Variants in RBFOX1 observed in about 807,000 individuals in gnomAD.
The protein encoded by RBFOX1 is RNA binding fox-1 homolog 1.
Under a neutral mutation model 57.7 loss-of-function variants are expected in RBFOX1, and 8 were observed. The ratio of observed to expected loss-of-function variants is 0.14; its 90% CI spans 0.08 to 0.25. RBFOX1 has a LOEUF of 0.25. RBFOX1 is among the 10% of genes least tolerant of loss of function. The pLI is 1.00. For synonymous variants in RBFOX1, 326 were observed against 222.4 expected, an observed-to-expected ratio of 1.47 and a Z score of -4.15; for missense variants, 611 against 548.5, an observed-to-expected ratio of 1.11 and a Z score of -1.14.
At chr16:6,245,850 A>G (rs555059774) in intron 1 of RBFOX1, among the ~76,000 whole-genome samples, 2 of 152,170 alleles carry the variant, frequency 1.3e-5, no homozygotes, top group African/African-American at 4.8e-5. Flanking sequence ...CCCTGCCTTC[A>G]TCAGGATCTC....
At chr16:6,987,782 G>C (rs1013872804) in intron 3 of RBFOX1, among the ~76,000 whole-genome samples, 1 of 152,150 alleles carries the variant, frequency 6.6e-6, no homozygotes, top group South Asian at 2.1e-4. Flanking sequence ...GAATAAGAAC[G>C]AACATTGTAA....
intron 1 of RBFOX1, among the ~76,000 whole-genome samples, chr16:6,041,696 G>C (rs186652567): frequency 6.6e-6 from 1 of 152,226 alleles, no homozygotes; most frequent in South Asian, 2.1e-4. Context: ...GGAAGTCTTA[G>C]TCTAAGGCTT....
intron 3 of RBFOX1, among the ~76,000 whole-genome samples, chr16:7,007,990 TA>T (rs1211003686): frequency 6.6e-6 from 1 of 152,152 alleles, no homozygotes; most frequent in Non-Finnish European, 1.5e-5. Flanking sequence ...GGTAGCAAAA[TA>T]AAACCAGTAT....
chr16:7,382,663 T>C (rs929170409), intron 4 of RBFOX1, among the ~76,000 whole-genome samples: 5 of 152,206 alleles, frequency 3.3e-5, no homozygotes, highest in South Asian at 2.1e-4. Context: ...AAAATCTGTG[T>C]CCATCCTGGA....
intron 2 of RBFOX1, among the ~76,000 whole-genome samples, chr16:6,538,187 G>C (rs749829039): frequency 4.6e-5 from 7 of 152,120 alleles, no homozygotes; most frequent in Admixed American, 6.6e-5. Context: ...AACACCATTA[G>C]TCATTAGAGA....
At chr16:7,565,544 G>A (rs1470194868) in intron 5 of RBFOX1, among the ~76,000 whole-genome samples, 1 of 152,136 alleles carries the variant, frequency 6.6e-6, no homozygotes, top group African/African-American at 2.4e-5. Context: ...TCGGCGCCCA[G>A]CATTACTGGC....
intron 14 of RBFOX1, among the ~76,000 whole-genome samples, chr16:7,689,723 G>T (rs979535753): frequency 3.3e-5 from 5 of 151,968 alleles, no homozygotes. Context: ...AAAGAAAAAT[G>T]GAAAAACCCA....
At chr16:6,900,423 C>A (rs1418571196) in intron 3 of RBFOX1, among the ~76,000 whole-genome samples, 5 of 152,166 alleles carry the variant, frequency 3.3e-5, no homozygotes, top group Admixed American at 6.6e-5. Context: ...AATCATGCTA[C>A]CACTATCTGC....
chr16:7,176,908 C>T (rs570810989), intron 4 of RBFOX1, among the ~76,000 whole-genome samples: 4 of 152,142 alleles, frequency 2.6e-5, no homozygotes, highest in African/African-American at 9.6e-5. Context: ...AGATATTTCC[C>T]ATTTAAATGC....
chr16:5,941,836 C>T (rs934760943), intron 4 of RBFOX1, among the ~76,000 whole-genome samples: 1 of 151,958 alleles, frequency 6.6e-6, no homozygotes, highest in Non-Finnish European at 1.5e-5. Flanking sequence ...ACAAGAGAGC[C>T]AGCGTTAGTA....
At chr16:5,735,607 C>T (rs752013447) in intron 3 of RBFOX1, among the ~76,000 whole-genome samples, 15 of 152,116 alleles carry the variant, frequency 9.9e-5, no homozygotes, top group South Asian at 4.2e-4. Context: ...GTAATAAGTA[C>T]GTGCATGGGC....
intron 1 of RBFOX1, among the ~76,000 whole-genome samples, chr16:6,280,834 A>G (rs2076299111): frequency 6.6e-6 from 1 of 151,968 alleles, no homozygotes; most frequent in Non-Finnish European, 1.5e-5. Flanking sequence ...GACACATACT[A>G]CAGAGAGTAT....
intron 5 of RBFOX1, among the ~76,000 whole-genome samples, chr16:7,563,523 A>C (rs1393340577): frequency 6.6e-6 from 1 of 152,126 alleles, no homozygotes; most frequent in African/African-American, 2.4e-5. Context: ...GCTGGAGTGC[A>C]ATGGCACGAT....
intron 2 of RBFOX1, among the ~76,000 whole-genome samples, chr16:6,375,113 C>G (rs1235743700): frequency 6.6e-6 from 1 of 152,048 alleles, no homozygotes; most frequent in Non-Finnish European, 1.5e-5. Context: ...CAGGGAGTAT[C>G]AGAAATCATT....
intron 4 of RBFOX1, among the ~76,000 whole-genome samples, chr16:5,927,600 A>G (rs2058964145): frequency 6.6e-6 from 1 of 152,228 alleles, no homozygotes; most frequent in Non-Finnish European, 1.5e-5. Flanking sequence ...TTCTGGGTAT[A>G]TATCCAAAGG....
At chr16:5,429,598 G>T (rs1368978534) in intron 1 of RBFOX1, among the ~76,000 whole-genome samples, 1 of 152,160 alleles carries the variant, frequency 6.6e-6, no homozygotes, top group Non-Finnish European at 1.5e-5. Flanking sequence ...GAATAGTTGT[G>T]CTCGCAGCAT....
At chr16:7,137,517 G>T (rs558484049) in intron 4 of RBFOX1, among the ~76,000 whole-genome samples, 105 of 152,192 alleles carry the variant, frequency 6.9e-4, no homozygotes, top group African/African-American at 2.4e-3. Context: ...TTCACCTTCC[G>T]CCATGATTGT....
At chr16:7,574,045 A>G (rs956311741) in intron 5 of RBFOX1, among the ~76,000 whole-genome samples, 1 of 152,080 alleles carries the variant, frequency 6.6e-6, no homozygotes, top group African/African-American at 2.4e-5. Flanking sequence ...TGCTTTTGTC[A>G]TAACGTTCAG....
chr16:6,796,024 G>C (rs139677096), intron 3 of RBFOX1, among the ~76,000 whole-genome samples: 1,946 of 151,944 alleles, frequency 0.013, 21 homozygotes, highest in Middle Eastern at 0.024. Flanking sequence ...CCATTTTCAT[G>C]CTGCTGACAA....
Sources: gnomAD v4.1 joint callset for allele counts (sites outside exome capture counted in the v4.1 genomes callset) on GRCh38, gnomAD v4.1.1 for gene constraint, MANE v1.5 for transcripts, NCBI Gene and HGNC (gene_info 2026-07-23, HGNC 2026-07-21) for gene names.